The following NUS1 variants were observed in gnomAD, a reference collection of about 807,000 sequenced individuals.
NUS1 encodes the protein dehydrodolichyl diphosphate synthase complex subunit NUS1.
For missense variants in NUS1, 292 were observed against 382.9 expected (o/e 0.76, Z 1.98); for synonymous variants, 135 against 155.2 (o/e 0.87, Z 0.97).
At chr6:117,678,871 A>G (rs1268772950) in intron 1 of NUS1, among the ~76,000 whole-genome samples, 1 of 151,948 alleles carries the variant, frequency 6.6e-6, no homozygotes, top group Non-Finnish European at 1.5e-5. Flanking sequence ...CAGTAGAGAC[A>G]GGGTTTTGCC....
chr6:117,697,735 T>G (rs1773341724), intron 3 of NUS1, among the ~76,000 whole-genome samples: 1 of 151,902 alleles, frequency 6.6e-6, no homozygotes, highest in Non-Finnish European at 1.5e-5. Context: ...AACACCCCAC[T>G]TTCAACACTA....
At chr6:117,706,428 A>T (rs1292783881) in intron 4 of NUS1, among the ~76,000 whole-genome samples, 1 of 152,214 alleles carries the variant, frequency 6.6e-6, no homozygotes, top group Non-Finnish European at 1.5e-5. Context: ...TCCTTTATAC[A>T]TAGATCTCTA....
chr6:117,689,437 A>G (rs926128848), intron 1 of NUS1, among the ~76,000 whole-genome samples: 3 of 152,214 alleles, frequency 2.0e-5, no homozygotes, highest in African/African-American at 7.2e-5. Flanking sequence ...ACCCGACACT[A>G]TTAAAATGAA....
chr6:117,681,035 G>A (rs549105773), intron 1 of NUS1, among the ~76,000 whole-genome samples: 117 of 152,240 alleles, frequency 7.7e-4, no homozygotes, highest in Middle Eastern at 3.4e-3. Context: ...GGTATTTAAT[G>A]TTCCAGTTTC....
At position 117,710,604 on chromosome 6, in the gene NUS1, T is replaced by A. The variant is rs1223462600; in HGVS notation, c.*3589T>A. The A allele has an allele frequency of 6.6e-6, 1 of 152,096 alleles. No homozygotes were observed. Among genetic ancestry groups the A allele is most frequent in the African/African-American group, 2.4e-5 (1 of 41,438 alleles). The allele number at this position is 152,096 out of a possible 1,614,324, so 9.4% of individuals were successfully genotyped here. A position where few individuals can be genotyped will look rare whatever the true frequency, so the allele number is the denominator to read the frequency against. On this transcript the variant is annotated 3_prime_UTR_variant, in exon 5 of 5. Transcript: ENST00000368494. ...AAAAATGTATTCTACTGTAACAAGT[T>A]AATAAAGAGATTTTTTAAAAAACTA...
chr6:117,685,074 A>AT (rs958279151), intron 1 of NUS1, among the ~76,000 whole-genome samples: 16 of 152,154 alleles, frequency 1.1e-4, no homozygotes, highest in African/African-American at 3.6e-4. Context: ...TGAACATCTT[A>AT]TTTTTTAAGA....
rs774991914 is a variant in NUS1 at position 117,694,153 on chromosome 6, G to C, written c.664G>C (p.Asp222His). 1 of 1,608,692 alleles carries C rather than the reference G, an allele frequency of 6.2e-7. No individual in the cohort carries two copies. The highest frequency in any genetic ancestry group is 1.7e-5 in the Admixed American group (1 of 59,568). The change falls in exon 3 of 5, where the codon GAT becomes CAT. Residue 222 changes from aspartate to histidine, a missense_variant. Physicochemically the swap from Asp to His is moderately conservative, Grantham distance 81 (BLOSUM62 -1). Transcript: ENST00000368494. Reference protein sequence around the residue: ...AQKQKRPTDLDVDTLASLLSS... With the variant: ...AQKQKRPTDLHVDTLASLLSS... ...GAAGCAAAAGAGACCCACAGATTTG[G>C]ATGTAGATACGTTAGCCAGTTTACT...
intron 4 of NUS1, 61 bp from the exon 5 acceptor site, chr6:117,706,864 G>A (rs1773507934): frequency 2.3e-6 from 3 of 1,321,112 alleles, no homozygotes; most frequent in Non-Finnish European, 2.2e-6. Context: ...TTATCTTCTG[G>A]TTCCCCCCTA....
chr6:117,699,517 C>T (rs191574796), intron 3 of NUS1, among the ~76,000 whole-genome samples: 1 of 152,202 alleles, frequency 6.6e-6, no homozygotes, highest in Non-Finnish European at 1.5e-5. Flanking sequence ...AGCCTATTTC[C>T]TGTTCATGGA....
intron 3 of NUS1, among the ~76,000 whole-genome samples, chr6:117,701,165 G>A (rs1324969556): frequency 6.6e-6 from 1 of 151,722 alleles, no homozygotes; most frequent in Non-Finnish European, 1.5e-5. Context: ...TCAATTTGGG[G>A]AAAGTTGCCT....
At chr6:117,690,255 A>G (rs1773195898) in intron 1 of NUS1, among the ~76,000 whole-genome samples, 1 of 152,164 alleles carries the variant, frequency 6.6e-6, no homozygotes, top group Non-Finnish European at 1.5e-5. Flanking sequence ...CCACGCTTAG[A>G]GTCTTATGAT....
intron 1 of NUS1, among the ~76,000 whole-genome samples, chr6:117,692,632 G>T (rs1484097897): frequency 6.6e-6 from 1 of 152,056 alleles, no homozygotes; most frequent in Non-Finnish European, 1.5e-5. Flanking sequence ...TAGTAAATCT[G>T]CAGAAAAGGT....
rs375663235 is a variant in NUS1 at position 117,694,139 on chromosome 6, G to C, written c.650G>C (p.Arg217Thr). The change falls in exon 3 of 5, where the codon AGA (arginine) becomes ACA (threonine). Residue 217 changes from arginine (R) to threonine (T), a missense_variant. Coordinates refer to ENST00000368494, the MANE Select transcript of NUS1 (RefSeq NM_138459.5). ...FCQLVAQKQK[R>T]PTDLDVDTLA... ...CAGTTAGTAGCCCAGAAGCAAAAGA[G>C]ACCCACAGATTTGGATGTAGATACG... is the stretch of plus-strand genomic sequence containing the variant. The C allele has an allele frequency of 1.2e-5, 19 of 1,611,002 alleles. No homozygotes were observed. The highest frequency in any genetic ancestry group is 1.6e-5 in the Non-Finnish European group (19 of 1,178,312).
In NUS1 at chr6:117,675,509, G is replaced by A. The variant is rs1370354341; in HGVS notation, c.-162G>A. On this transcript the variant is annotated 5_prime_UTR_variant, in exon 1 of 5. Transcript: ENST00000368494. ...GGGCTGCCAAGGGAGGAGGAAGATG[G>A]CGGCGGGGGCGAGGTGAGGTGTTGG... 3 of 674,548 alleles carry A rather than the reference G, an allele frequency of 4.4e-6. No homozygotes were observed. The highest frequency in any genetic ancestry group is 5.6e-5 in the East Asian group (2 of 35,848). The allele number at this position is 674,548 out of a possible 1,614,324, so 41.8% of individuals were successfully genotyped here. A position where few individuals can be genotyped will look rare whatever the true frequency, so the allele number is the denominator to read the frequency against.
At chr6:117,695,698 C>A (rs1408456178) in intron 3 of NUS1, among the ~76,000 whole-genome samples, 2 of 152,140 alleles carry the variant, frequency 1.3e-5, no homozygotes, top group African/African-American at 2.4e-5. Context: ...ATCAAAAGTT[C>A]CTTTGTGACT....
At position 117,703,721 on chromosome 6, in the gene NUS1, G is replaced by T; in HGVS notation, c.791+17G>T. The T allele has an allele frequency of 6.4e-7, 1 of 1,552,662 alleles. No individual in the cohort carries two copies. The highest frequency in any genetic ancestry group is 8.9e-7 in the Non-Finnish European group (1 of 1,124,018). ...TGAGATTGTGTAAGTAATTAAAAGC[G>T]TACTGACTTTGTTTAGATTCAGCAA... On this transcript the variant is annotated intron_variant, in intron 4 of 4. Coordinates refer to ENST00000368494, the MANE Select transcript of NUS1 (RefSeq NM_138459.5).
intron 1 of NUS1, 108 bp downstream of exon 1, chr6:117,676,193 T>C: frequency 6.6e-7 from 1 of 1,508,982 alleles, no homozygotes; most frequent in South Asian, 1.2e-5. Context: ...TCTCTGCAAA[T>C]CACAGCGCTA....
intron 1 of NUS1, among the ~76,000 whole-genome samples, chr6:117,688,708 C>T (rs1773175646): frequency 6.6e-6 from 1 of 152,146 alleles, no homozygotes; most frequent in Non-Finnish European, 1.5e-5. Flanking sequence ...CGGATGCCTA[C>T]AGAACTTCAA....
At position 117,675,603 on chromosome 6, in the gene NUS1, C is replaced by T. The variant is rs546623333; in HGVS notation, c.-68C>T. ...CGATGGCCCGCGCCGGCCGCAGGGG[C>T]GGATAAAAAGCCGTCGCGCTGCGGG... On this transcript the variant is annotated 5_prime_UTR_variant, in exon 1 of 5. Transcript: ENST00000368494. 272 of 1,393,658 alleles carry T rather than the reference C, an allele frequency of 2.0e-4. 1 individual carries two copies. In the African/African-American group the frequency reaches 3.7e-3, roughly 19 times the overall value. 86.3% of individuals were successfully genotyped at this position (1,393,658 alleles called of 1,614,324 possible). A position where few individuals can be genotyped will look rare whatever the true frequency, so the allele number is the denominator to read the frequency against.
Sources: allele counts gnomAD v4.1 joint callset (sites outside exome capture counted in the v4.1 genomes callset), GRCh38; gene constraint gnomAD v4.1.1; transcripts MANE v1.5; gene names NCBI Gene and HGNC (gene_info 2026-07-23, HGNC 2026-07-21).